Variants in KIF6 observed in about 807,000 individuals in gnomAD.
The protein encoded by KIF6 is kinesin-like protein KIF6.
Under a neutral mutation model 112.7 loss-of-function variants are expected in KIF6, and 106 were observed. That is an observed-to-expected ratio of 0.94 (90% CI 0.80 to 1.11). KIF6 has a LOEUF of 1.11. Ranked by LOEUF, KIF6 falls within the 50% of genes least tolerant of loss-of-function variation. KIF6 has a pLI of 0.00. For synonymous variants in KIF6, 339 were observed against 339.9 expected (o/e 1.00, Z 0.03); for missense variants, 929 against 964.0 (o/e 0.96, Z 0.48).
At chr6:39,490,169 G>A (rs1259254685) in intron 13 of KIF6, among the ~76,000 whole-genome samples, 1 of 152,264 alleles carries the variant, frequency 6.6e-6, no homozygotes, top group South Asian at 2.1e-4. Context: ...CTTTGGAGAG[G>A]CTCCATGTCT....
rs147531045 is a variant in KIF6, at chr6:39,463,597, C to T, written c.1646-32436G>A. On this transcript the variant is annotated intron_variant, in intron 13 of 22. Transcript: ENST00000287152. ...TACTCATCTTTTTTACTTCTCATCA[C>T]ATCATAAAACATTTCCTGAGTAATT... Among the ~76,000 whole-genome samples the T allele has an allele frequency of 6.6e-5, 10 of 152,296 alleles. No homozygotes were observed. In the East Asian group the frequency reaches 1.5e-3, roughly 24 times the overall value.
intron 3 of KIF6, among the ~76,000 whole-genome samples, chr6:39,686,705 G>A (rs556191958): frequency 6.6e-5 from 10 of 152,062 alleles, no homozygotes; most frequent in Non-Finnish European, 1.0e-4. Context: ...GTCAAAACCA[G>A]GACCTTCACT....
intron 19 of KIF6, among the ~76,000 whole-genome samples, chr6:39,351,702 C>T (rs139089595): frequency 5.3e-5 from 8 of 152,250 alleles, no homozygotes; most frequent in Non-Finnish European, 7.3e-5. Flanking sequence ...GCTTTCTACT[C>T]GCTGAGCAGG....
chr6:39,602,122 G>C (rs1782611597), intron 6 of KIF6, among the ~76,000 whole-genome samples: 1 of 152,136 alleles, frequency 6.6e-6, no homozygotes, highest in Non-Finnish European at 1.5e-5. Context: ...AATCAATGCT[G>C]ACTTTTTCTT....
intron 14 of KIF6, among the ~76,000 whole-genome samples, chr6:39,424,662 G>T (rs937358389): frequency 1.3e-5 from 2 of 152,200 alleles, no homozygotes; most frequent in South Asian, 2.1e-4. Context: ...ATGAGATGCC[G>T]TCAGGGCTGG....
At chr6:39,434,684 G>A (rs1771405470) in intron 13 of KIF6, among the ~76,000 whole-genome samples, 1 of 152,152 alleles carries the variant, frequency 6.6e-6, no homozygotes, top group Non-Finnish European at 1.5e-5. Context: ...CCAGCATGCG[G>A]GAGAGGGAGG....
intron 4 of KIF6, among the ~76,000 whole-genome samples, chr6:39,638,465 G>A (rs1011197048): frequency 1.3e-5 from 2 of 152,014 alleles, no homozygotes; most frequent in Non-Finnish European, 2.9e-5. Context: ...AGAAATAAGT[G>A]AGTAAATGAA....
intron 3 of KIF6, among the ~76,000 whole-genome samples, chr6:39,694,795 T>C (rs1229325832): frequency 2.6e-5 from 4 of 152,194 alleles, no homozygotes; most frequent in Non-Finnish European, 5.9e-5. Flanking sequence ...AACATCATTT[T>C]TCACAGATTT....
Position 39,528,365 on chromosome 6 carries a change from A to T in KIF6, c.1645+11638T>A, listed in dbSNP as rs372964894. 9.1e-4 allele frequency among the ~76,000 whole-genome samples: 138 copies of T among 152,298 alleles called. 1 individual carries two copies. The highest frequency in any genetic ancestry group is 3.2e-3 in the African/African-American group (132 of 41,570). ...ATTTTCTTTATCCATTCATCTGTTG[A>T]TGGACATTTAGGTTAACTCCATCAC... On this transcript the variant is annotated intron_variant, in intron 13 of 22. Coordinates refer to ENST00000287152, the MANE Select transcript of KIF6 (RefSeq NM_145027.6).
In KIF6 at chr6:39,555,222, GC is replaced by G. The variant is rs1779629879; in HGVS notation, c.1182-9535del. Among the ~76,000 whole-genome samples the G allele has an allele frequency of 4.6e-5, 7 of 152,082 alleles. No homozygotes were observed. In the South Asian group the frequency reaches 1.5e-3, roughly 32 times the overall value. On this transcript the variant is annotated intron_variant, in intron 10 of 22. Coordinates refer to ENST00000287152, the MANE Select transcript of KIF6 (RefSeq NM_145027.6). Reference sequence around the variant, plus strand: ...TTTCCCCACCTCATGTCCTCCTGGAGCCCTCCCCAAGCCCAGTTTGGCTGAC... The same window carrying G: ...TTTCCCCACCTCATGTCCTCCTGGAGCCTCCCCAAGCCCAGTTTGGCTGAC...
intron 13 of KIF6, among the ~76,000 whole-genome samples, chr6:39,534,153 AC>A (rs1222962834): frequency 2.6e-5 from 4 of 151,864 alleles, no homozygotes; most frequent in African/African-American, 9.7e-5. Context: ...AAAGCAGAGC[AC>A]CTCTCCTCCT....
In KIF6 at chr6:39,544,585, C is replaced by G; in HGVS notation, c.1396G>C (p.Asp466His). The change falls in exon 12 of 23, where the codon GAT becomes CAT. Residue 466 changes from aspartate (D) to histidine (H), a missense_variant. Physicochemically the swap from Asp to His is moderately conservative, Grantham distance 81. Around this residue, in one of 2 missense-constraint regions of KIF6, gnomAD observed 688 missense variants for 662.7 expected, o/e 1.04. Transcript: ENST00000287152. Reference sequence around the variant, plus strand: ...TCGTTATCTCTCTGTTTCAGAATATCTCGTAGCTTTCTATATTCTTCTTCT... The same window carrying G: ...TCGTTATCTCTCTGTTTCAGAATATGTCGTAGCTTTCTATATTCTTCTTCT... ...LKEEEYRKLR[D>H]ILKQRDNEIN... The G allele has an allele frequency of 6.2e-7, 1 of 1,611,550 alleles. No individual in the cohort carries two copies.
chr6:39,459,968 A>T lies in KIF6; in HGVS notation c.1646-28807T>A, dbSNP rs1395247665. Among the ~76,000 whole-genome samples, 3 of 121,630 alleles carry T rather than the reference A, an allele frequency of 2.5e-5. No individual in the cohort carries two copies. In the East Asian group the frequency reaches 7.5e-4, roughly 30 times the overall value. 79.8% of individuals were successfully genotyped at this position (121,630 alleles called of 152,430 possible). ...AACCATTGTGGAAGTCAGTGTGGCGATTCCTCAGGGATCTAGAACTAGAAA... is the reference window on the plus strand; with the variant it reads ...AACCATTGTGGAAGTCAGTGTGGCGTTTCCTCAGGGATCTAGAACTAGAAA... On this transcript the variant is annotated intron_variant, in intron 13 of 22. Transcript: ENST00000287152.
intron 3 of KIF6, among the ~76,000 whole-genome samples, chr6:39,700,988 C>G (rs1417146772): frequency 2.0e-5 from 3 of 152,190 alleles, no homozygotes; most frequent in Non-Finnish European, 4.4e-5. Flanking sequence ...GTGTGAGCCA[C>G]CGCACCTAGC....
chr6:39,595,954 C>T (rs7738728), intron 7 of KIF6, 100 bp downstream of exon 7: 291,093 of 861,908 alleles, frequency 0.34, 54,101 homozygotes, highest in African/African-American at 0.62. Flanking sequence ...ATATATATTT[C>T]ATCATAATAA....
At chr6:39,558,211 C>T (rs979792226) in intron 10 of KIF6, among the ~76,000 whole-genome samples, 1 of 152,154 alleles carries the variant, frequency 6.6e-6, no homozygotes, top group African/African-American at 2.4e-5. Flanking sequence ...GCTGTTCCTT[C>T]TGTTGCTTCC....
At position 39,471,470 on chromosome 6, in the gene KIF6, G is replaced by A. The variant is rs150940920; in HGVS notation, c.1646-40309C>T. On this transcript the variant is annotated intron_variant, in intron 13 of 22. Coordinates refer to ENST00000287152, the MANE Select transcript of KIF6 (RefSeq NM_145027.6). ...GACACTGGTCACAGGGCCAGCGCTC[G>A]ACACTCTACGTCTTGGATTTTATTT... is the stretch of plus-strand genomic sequence containing the variant. 7.2e-5 allele frequency among the ~76,000 whole-genome samples: 11 copies of A among 152,256 alleles called. No homozygotes were observed. The East Asian group carries it at 2.1e-3, about 29-fold the overall frequency.
At chr6:39,653,909 C>G (rs116059427) in intron 3 of KIF6, among the ~76,000 whole-genome samples, 1,993 of 152,234 alleles carry the variant, frequency 0.013, 44 homozygotes, top group African/African-American at 0.046. Context: ...GAGTATAGAG[C>G]AGAATATACC....
At chr6:39,715,660 CCTGG>C (rs371271366) in intron 2 of KIF6, among the ~76,000 whole-genome samples, 76 of 152,138 alleles carry the variant, frequency 5.0e-4, no homozygotes, top group African/African-American at 1.7e-3. Context: ...CACCATCACT[CCTGG>C]CTAATTTTCA....
Sources: gnomAD v4.1 joint callset for allele counts (sites outside exome capture counted in the v4.1 genomes callset) on GRCh38, gnomAD v4.1.1 for gene constraint, gnomAD v4.1.1 regional missense constraint, MANE v1.5 for transcripts, NCBI Gene and HGNC (gene_info 2026-07-23, HGNC 2026-07-21) for gene names.